Variants in ETV1 observed in about 807,000 individuals in gnomAD.
The protein encoded by ETV1 is ETS translocation variant 1.
In ETV1, 27 loss-of-function variants were observed where a neutral mutation model predicts 62.3. The ratio of observed to expected loss-of-function variants is 0.43; its 90% CI spans 0.32 to 0.60. ETV1 has a LOEUF of 0.60. Ranked by LOEUF, ETV1 falls within the 20% of genes least tolerant of loss-of-function variation. ETV1 has a pLI of 0.06. For synonymous variants in ETV1, 222 were observed against 199.6 expected, an observed-to-expected ratio of 1.11 and a Z score of -0.94; for missense variants, 605 against 605.8, an observed-to-expected ratio of 1.00 and a Z score of 0.01.
At chr7:13,899,445 T>A (rs1782184653) in intron 13 of ETV1, among the ~76,000 whole-genome samples, 2 of 152,206 alleles carry the variant, frequency 1.3e-5, no homozygotes. Context: ...GGCACTGAGA[T>A]AATATGCCTC....
chr7:13,936,457 A>C (rs1786814633), intron 7 of ETV1, among the ~76,000 whole-genome samples: 1 of 152,184 alleles, frequency 6.6e-6, no homozygotes, highest in Non-Finnish European at 1.5e-5. Flanking sequence ...ACATGGGATA[A>C]TGAAGATTAA....
chr7:13,989,441 A>G lies in ETV1; in HGVS notation c.-261T>C. On this transcript the variant is annotated 5_prime_UTR_variant, in exon 2 of 14. Coordinates refer to ENST00000430479, the MANE Select transcript of ETV1 (RefSeq NM_004956.5). ...GCAAAACTAGCAATGGCGATCAACG[A>G]GACTTGCTTTGCACCTAACGGGACT... 1 of 428,816 alleles carries G rather than the reference A, an allele frequency of 2.3e-6. No individual in the cohort carries two copies. Among genetic ancestry groups the G allele is most frequent in the Non-Finnish European group, 4.1e-6 (1 of 245,036 alleles). 26.6% of individuals were successfully genotyped at this position (428,816 alleles called of 1,614,324 possible).
intron 6 of ETV1, among the ~76,000 whole-genome samples, chr7:13,941,742 C>G (rs1404784310): frequency 6.6e-6 from 1 of 151,912 alleles, no homozygotes; most frequent in Non-Finnish European, 1.5e-5. Context: ...ATGGTGATGT[C>G]CACCTATAAT....
intron 6 of ETV1, among the ~76,000 whole-genome samples, chr7:13,969,846 T>C (rs1214620217): frequency 2.6e-5 from 4 of 152,228 alleles, no homozygotes; most frequent in Non-Finnish European, 5.9e-5. Flanking sequence ...TTATTTAGTA[T>C]GTAGGACAAC....
At chr7:13,925,817 A>C (rs1485949364) in intron 9 of ETV1, among the ~76,000 whole-genome samples, 1 of 151,614 alleles carries the variant, frequency 6.6e-6, no homozygotes, top group African/African-American at 2.4e-5. Context: ...CGCCCTCCCA[A>C]AGTGCTGGGA....
intron 13 of ETV1, among the ~76,000 whole-genome samples, chr7:13,899,194 T>C (rs887743073): frequency 3.9e-5 from 6 of 152,044 alleles, no homozygotes; most frequent in African/African-American, 1.4e-4. Context: ...ATTAGGAAGA[T>C]GGTGGTGAAA....
chr7:13,904,782 C>T (rs890736516), intron 12 of ETV1, among the ~76,000 whole-genome samples: 2 of 151,772 alleles, frequency 1.3e-5, no homozygotes, highest in East Asian at 1.9e-4. Context: ...TCCCATCATG[C>T]GAAAGGGCTT....
At chr7:13,988,257 C>CAG in intron 3 of ETV1, 84 bp from the exon 4 acceptor site, 2 of 804,774 alleles carry the variant, frequency 2.5e-6, no homozygotes, top group East Asian at 4.9e-5. Context: ...CACACACACA[C>CAG]AGACATGCAT....
At chr7:13,911,170 A>G in intron 10 of ETV1, 69 bp downstream of exon 10, 1 of 1,005,936 alleles carries the variant, frequency 9.9e-7, no homozygotes, top group Non-Finnish European at 1.6e-6. Flanking sequence ...TAATTAAATG[A>G]CGTCATATTT....
At chr7:13,952,672 C>T (rs1156231336) in intron 6 of ETV1, among the ~76,000 whole-genome samples, 1 of 151,972 alleles carries the variant, frequency 6.6e-6, no homozygotes, top group Non-Finnish European at 1.5e-5. Flanking sequence ...AGGGGACCTC[C>T]CACATTTCAG....
rs1781732125 is a variant in ETV1, at chr7:13,895,961, T to C, written c.1339A>G (p.Thr447Ala). ...TCATCAAAGTGAGAAAGAGGCACTG[T>C]GTCCTCCTCGTTGATGTGACGTTCC... ...DMERHINEEDTVPLSHFDESM... is the reference protein window; with the variant it reads ...DMERHINEEDAVPLSHFDESM... The change falls in exon 14 of 14, where the codon ACA (threonine) becomes GCA (alanine). Residue 447 changes from threonine (T) to alanine (A), a missense_variant. By Grantham distance (58) the Thr-to-Ala change is moderately conservative (BLOSUM62 0). Around this residue, in one of 3 missense-constraint regions of ETV1, gnomAD observed 79 missense variants for 71.6 expected, o/e 1.10. Transcript: ENST00000430479. The C allele has an allele frequency of 6.2e-7, 1 of 1,613,746 alleles. No individual in the cohort carries two copies. The highest frequency in any genetic ancestry group is 8.5e-7 in the Non-Finnish European group (1 of 1,179,812).
intron 9 of ETV1, among the ~76,000 whole-genome samples, chr7:13,925,410 A>C (rs926483114): frequency 3.3e-5 from 5 of 152,086 alleles, no homozygotes; most frequent in African/African-American, 1.2e-4. Flanking sequence ...GTAAGGCATC[A>C]TTTTCCCTCC....
At chr7:13,967,662 T>C (rs1780441005) in intron 6 of ETV1, among the ~76,000 whole-genome samples, 1 of 152,082 alleles carries the variant, frequency 6.6e-6, no homozygotes, top group Non-Finnish European at 1.5e-5. Context: ...AAATATGCAT[T>C]GTGCATCTTA....
chr7:13,983,291 C>T (rs1562717737), intron 5 of ETV1, among the ~76,000 whole-genome samples: 2 of 151,826 alleles, frequency 1.3e-5, no homozygotes, highest in Non-Finnish European at 2.9e-5. Flanking sequence ...TTATTATTTC[C>T]CTTTAAGTTG....
chr7:13,926,198 T>C (rs763645403), intron 9 of ETV1, among the ~76,000 whole-genome samples: 2 of 152,214 alleles, frequency 1.3e-5, no homozygotes, highest in East Asian at 1.9e-4. Context: ...ACATTCACTA[T>C]GCATCTTTCA....
At chr7:13,952,900 G>A (rs1788996373) in intron 6 of ETV1, among the ~76,000 whole-genome samples, 1 of 152,328 alleles carries the variant, frequency 6.6e-6, no homozygotes, top group East Asian at 1.9e-4. Flanking sequence ...TACTTCAGCA[G>A]TAGTGGTACT....
intron 5 of ETV1, among the ~76,000 whole-genome samples, chr7:13,983,296 AAGTTGTGTT>A (rs1334424636): frequency 6.6e-6 from 1 of 151,988 alleles, no homozygotes; most frequent in Non-Finnish European, 1.5e-5. Context: ...ATTTCCCTTT[AAGTTGTGTT>A]AGTAGGTGAG....
intron 5 of ETV1, among the ~76,000 whole-genome samples, chr7:13,979,573 G>A (rs1250568134): frequency 6.6e-6 from 1 of 152,014 alleles, no homozygotes; most frequent in Non-Finnish European, 1.5e-5. Flanking sequence ...ATAAATAACA[G>A]CAAGTACACA....
chr7:13,930,765 C>T (rs1157625735), intron 9 of ETV1, among the ~76,000 whole-genome samples: 3 of 151,440 alleles, frequency 2.0e-5, no homozygotes, highest in East Asian at 2.0e-4. Context: ...TTCTTACTTA[C>T]GAACACTTAG....
Sources: gnomAD v4.1 joint callset for allele counts (sites outside exome capture counted in the v4.1 genomes callset) on GRCh38, gnomAD v4.1.1 for gene constraint, gnomAD v4.1.1 regional missense constraint, MANE v1.5 for transcripts, NCBI Gene and HGNC (gene_info 2026-07-23, HGNC 2026-07-21) for gene names.